Variants in COX10 observed in about 807,000 individuals in gnomAD.
COX10 encodes the protein protoheme IX farnesyltransferase, mitochondrial.
A neutral mutation model predicts 37.3 loss-of-function variants in COX10; 27 were observed. The ratio of observed to expected loss-of-function variants is 0.72; its 90% CI spans 0.53 to 1.00. The LOEUF (loss-of-function observed/expected upper bound fraction) is 1.00. Ranked by LOEUF, COX10 falls within the 50% of genes least tolerant of loss-of-function variation. COX10 has a pLI of 0.00. For synonymous variants in COX10, 222 were observed against 229.1 expected, an observed-to-expected ratio of 0.97 and a Z score of 0.28; for missense variants, 475 against 563.2, an observed-to-expected ratio of 0.84 and a Z score of 1.59.
chr17:14,153,943 C>A (rs536496746), intron 4 of COX10, among the ~76,000 whole-genome samples: 4 of 152,138 alleles, frequency 2.6e-5, no homozygotes, highest in African/African-American at 7.2e-5. Flanking sequence ...TATTACTCAG[C>A]GATAAAAAGG....
At chr17:14,102,755 C>A (rs1047530476) in intron 4 of COX10, among the ~76,000 whole-genome samples, 1 of 151,972 alleles carries the variant, frequency 6.6e-6, no homozygotes, top group Non-Finnish European at 1.5e-5. Context: ...TTTAATACAT[C>A]CCCCCCTATT....
intron 4 of COX10, among the ~76,000 whole-genome samples, chr17:14,135,699 A>G (rs1441867021): frequency 1.3e-5 from 2 of 151,962 alleles, no homozygotes; most frequent in African/African-American, 4.8e-5. Flanking sequence ...ATTTTTATTC[A>G]AATATGGAAT....
chr17:14,142,550 C>A (rs1324261863), intron 4 of COX10, among the ~76,000 whole-genome samples: 1 of 152,074 alleles, frequency 6.6e-6, no homozygotes, highest in Non-Finnish European at 1.5e-5. Context: ...AAATAAATTC[C>A]CTTTATGCCA....
intron 3 of COX10, among the ~76,000 whole-genome samples, chr17:14,088,077 GCT>G (rs1915451926): frequency 6.6e-6 from 1 of 152,132 alleles, no homozygotes; most frequent in Non-Finnish European, 1.5e-5. Flanking sequence ...TCTGGCCATG[GCT>G]CACCCTGGCT....
At chr17:14,106,858 T>C (rs1479382439) in intron 4 of COX10, among the ~76,000 whole-genome samples, 1 of 152,228 alleles carries the variant, frequency 6.6e-6, no homozygotes, top group African/African-American at 2.4e-5. Context: ...TATTGCTGTA[T>C]ATAGTTTGCA....
intron 4 of COX10, among the ~76,000 whole-genome samples, chr17:14,116,188 C>CCCT (rs1916104554): frequency 6.6e-6 from 1 of 152,092 alleles, no homozygotes; most frequent in East Asian, 1.9e-4. Context: ...CCTTCATTAA[C>CCCT]TGGTACATCA....
At chr17:14,103,340 A>G (rs1362980783) in intron 4 of COX10, among the ~76,000 whole-genome samples, 2 of 152,124 alleles carry the variant, frequency 1.3e-5, no homozygotes, top group Non-Finnish European at 2.9e-5. Flanking sequence ...AAATTGATTT[A>G]TTTGTCCATT....
At chr17:14,112,963 G>A (rs1265767028) in intron 4 of COX10, among the ~76,000 whole-genome samples, 2 of 152,088 alleles carry the variant, frequency 1.3e-5, no homozygotes, top group African/African-American at 4.8e-5. Context: ...GTAGGTGTCG[G>A]GCAGCCATTG....
intron 4 of COX10, among the ~76,000 whole-genome samples, chr17:14,103,759 A>T (rs1409068445): frequency 6.6e-6 from 1 of 152,220 alleles, no homozygotes. Context: ...TGAATGATTT[A>T]CATTTAGACA....
At chr17:14,075,327 T>C (rs1366222119) in intron 2 of COX10, among the ~76,000 whole-genome samples, 1 of 152,138 alleles carries the variant, frequency 6.6e-6, no homozygotes, top group East Asian at 1.9e-4. Flanking sequence ...CATTCATGAG[T>C]TTATAATTCT....
chr17:14,087,735 C>A (rs1400707049), intron 3 of COX10, among the ~76,000 whole-genome samples: 2 of 151,132 alleles, frequency 1.3e-5, no homozygotes, highest in African/African-American at 4.9e-5. Context: ...GGCCAATGTC[C>A]TGTTTCCCAA....
At chr17:14,082,186 G>T (rs1032424393) in intron 3 of COX10, among the ~76,000 whole-genome samples, 2 of 152,158 alleles carry the variant, frequency 1.3e-5, no homozygotes, top group African/African-American at 4.8e-5. Context: ...GATTGGGTAA[G>T]GTATATAATG....
chr17:14,165,802 A>G (rs1203839083), intron 5 of COX10, among the ~76,000 whole-genome samples: 1 of 152,218 alleles, frequency 6.6e-6, no homozygotes, highest in Non-Finnish European at 1.5e-5. Flanking sequence ...TAAAAGTGCT[A>G]CTTCAGTGAA....
chr17:14,200,041 G>T (rs552948313), intron 6 of COX10, among the ~76,000 whole-genome samples: 1 of 152,154 alleles, frequency 6.6e-6, no homozygotes, highest in Admixed American at 6.5e-5. Context: ...CTGGAGCTAG[G>T]GTTCTTTATC....
intron 3 of COX10, among the ~76,000 whole-genome samples, chr17:14,091,186 T>TA (rs1201357847): frequency 6.6e-6 from 1 of 152,194 alleles, no homozygotes; most frequent in Non-Finnish European, 1.5e-5. Context: ...TTTAGTCTGT[T>TA]ACGCGATTTT....
chr17:14,191,860 G>C, intron 5 of COX10, 129 bp from the exon 6 acceptor site: 1 of 913,876 alleles, frequency 1.1e-6, no homozygotes, highest in Non-Finnish European at 1.8e-6. Context: ...CCCATATCCA[G>C]GAATCAGCCA....
chr17:14,136,018 G>A (rs1053098784), intron 4 of COX10, among the ~76,000 whole-genome samples: 10 of 152,056 alleles, frequency 6.6e-5, no homozygotes, highest in East Asian at 1.9e-4. Flanking sequence ...GGGGATTAGA[G>A]ACGAAGATAG....
chr17:14,207,364 TTA>T lies in COX10; in HGVS notation c.*152_*153del, dbSNP rs1906743285. ...GATCACTTGACAGTTTTTTTTTTTT[TTA>T]AATATTACCCAAAATGCTCCCCAAA... is the stretch of plus-strand genomic sequence containing the variant. On this transcript the variant is annotated 3_prime_UTR_variant, in exon 7 of 7. Transcript: ENST00000261643. The T allele has an allele frequency of 3.3e-5, 32 of 955,716 alleles. No homozygotes were observed. Among genetic ancestry groups the T allele is most frequent in the South Asian group, 1.6e-4 (8 of 49,156 alleles). The allele number at this position is 955,716 out of a possible 1,614,324, so 59.2% of individuals were successfully genotyped here. A position where few individuals can be genotyped will look rare whatever the true frequency, so the allele number is the denominator to read the frequency against.
intron 4 of COX10, among the ~76,000 whole-genome samples, chr17:14,116,981 C>T (rs1233585980): frequency 1.3e-5 from 2 of 152,188 alleles, no homozygotes; most frequent in Admixed American, 6.5e-5. Flanking sequence ...CTGGTCAACA[C>T]ATTCTTTTCA....
Sources: gnomAD v4.1 joint callset for allele counts (sites outside exome capture counted in the v4.1 genomes callset) on GRCh38, gnomAD v4.1.1 for gene constraint, MANE v1.5 for transcripts, NCBI Gene and HGNC (gene_info 2026-07-23, HGNC 2026-07-21) for gene names.